SENP2: variants seen among roughly 807,000 people sequenced by gnomAD.
SENP2 encodes SUMO specific peptidase 2.
In SENP2, 16 loss-of-function variants were observed where a neutral mutation model predicts 86.3. That is an observed-to-expected ratio of 0.19 (90% CI 0.13 to 0.28). The LOEUF is 0.28. Ranked by LOEUF, SENP2 falls within the 10% of genes least tolerant of loss-of-function variation. The probability of loss-of-function intolerance (pLI) is 1.00; values close to 1 mark genes in which losing one functional copy is unlikely to be tolerated. For synonymous variants in SENP2, 222 were observed against 238.7 expected, an observed-to-expected ratio of 0.93 and a Z score of 0.64; for missense variants, 552 against 703.0, an observed-to-expected ratio of 0.79 and a Z score of 2.43.
At chr3:185,607,855 A>C (rs918246603) in intron 6 of SENP2, among the ~76,000 whole-genome samples, 2 of 152,232 alleles carry the variant, frequency 1.3e-5, no homozygotes, top group Non-Finnish European at 2.9e-5. Context: ...AAACTTTAGT[A>C]ACTGTGACTA....
intron 13 of SENP2, among the ~76,000 whole-genome samples, chr3:185,620,505 C>T (rs1220036330): frequency 3.9e-5 from 6 of 152,204 alleles, no homozygotes; most frequent in East Asian, 1.9e-4. Context: ...TGCAATGGCA[C>T]GATCTCGGCT....
intron 11 of SENP2, among the ~76,000 whole-genome samples, chr3:185,615,593 C>T (rs1260142259): frequency 2.6e-5 from 4 of 152,126 alleles, no homozygotes; most frequent in African/African-American, 9.7e-5. Context: ...ATCTACCCAC[C>T]TCGGCCTCCC....
chr3:185,612,789 G>A, intron 9 of SENP2, 131 bp downstream of exon 9: 1 of 610,262 alleles, frequency 1.6e-6, no homozygotes, highest in Non-Finnish European at 2.9e-6. Flanking sequence ...CAGCATATAG[G>A]GTAGATAGGT....
chr3:185,597,474 T>C (rs1722211608), intron 2 of SENP2, among the ~76,000 whole-genome samples: 1 of 151,926 alleles, frequency 6.6e-6, no homozygotes, highest in Non-Finnish European at 1.5e-5. Context: ...TGCATCAGCC[T>C]CCTGAGTAGC....
chr3:185,623,287 T>G (rs1711977504), intron 14 of SENP2, among the ~76,000 whole-genome samples: 1 of 151,996 alleles, frequency 6.6e-6, no homozygotes, highest in Non-Finnish European at 1.5e-5. Flanking sequence ...ATTAAAGGCT[T>G]GTGCCACCAC....
chr3:185,596,521 T>C (rs1722178337), intron 2 of SENP2, among the ~76,000 whole-genome samples: 1 of 151,492 alleles, frequency 6.6e-6, no homozygotes, highest in Admixed American at 6.6e-5. Context: ...CTCAGGAGAC[T>C]GAGGTAGGAG....
chr3:185,620,063 TTTA>T (rs1711787594), intron 13 of SENP2, among the ~76,000 whole-genome samples: 2 of 151,336 alleles, frequency 1.3e-5, no homozygotes, highest in Admixed American at 6.6e-5. Flanking sequence ...CTTTTTTTTT[TTTA>T]AATTTTTATT....
At chr3:185,604,905 A>G (rs1312730555) in intron 5 of SENP2, among the ~76,000 whole-genome samples, 1 of 151,024 alleles carries the variant, frequency 6.6e-6, no homozygotes, top group Non-Finnish European at 1.5e-5. Context: ...ACAGGCATGC[A>G]CCACCACGCC....
At chr3:185,609,199 A>C in intron 6 of SENP2, 48 bp from the exon 7 acceptor site, 1 of 1,339,482 alleles carries the variant, frequency 7.5e-7, no homozygotes, top group Non-Finnish European at 1.1e-6. Flanking sequence ...CCTTTTAATT[A>C]TAAATTTAAT....
chr3:185,606,950 A>G, intron 6 of SENP2: 3 of 314,692 alleles, frequency 9.5e-6, no homozygotes, highest in East Asian at 1.5e-4. Flanking sequence ...TTTGGGAGCA[A>G]ATAATATATC....
rs769310131 is a variant in SENP2 at position 185,614,582 on chromosome 3, G to C, written c.952G>C (p.Glu318Gln). The C allele has an allele frequency of 4.3e-6, 7 of 1,613,504 alleles. No individual in the cohort carries two copies. The Admixed American group carries it at 1.0e-4, about 23-fold the overall frequency. Residue 318 changes from glutamate to glutamine, a missense_variant, in exon 11 of 17, where the codon GAG becomes CAG. Glu to Gln is a conservative substitution (Grantham distance 29). Around this residue, in one of 2 missense-constraint regions of SENP2, gnomAD observed 383 missense variants for 427.3 expected, o/e 0.90. Transcript: ENST00000296257. ...ENESRRGYQL[E>Q]PDLSEEVSAR... ...TGATCAGAGGAGGGGATACCAACTG[G>C]AGCCTGACCTATCAGAAGAAGTGTC...
intron 11 of SENP2, among the ~76,000 whole-genome samples, chr3:185,616,655 A>C (rs1046992456): frequency 6.6e-6 from 1 of 151,758 alleles, no homozygotes; most frequent in Non-Finnish European, 1.5e-5. Context: ...GGCGCCTGTC[A>C]TCCCAGCTAC....
At chr3:185,590,886 A>G (rs1310208681) in intron 2 of SENP2, among the ~76,000 whole-genome samples, 1 of 145,690 alleles carries the variant, frequency 6.9e-6, no homozygotes, top group Non-Finnish European at 1.5e-5. Flanking sequence ...AAAAAAAAAA[A>G]AAAAAGAAAG....
chr3:185,613,554 G>A, intron 10 of SENP2, 146 bp downstream of exon 10: 1 of 502,168 alleles, frequency 2.0e-6, no homozygotes, highest in Non-Finnish European at 3.5e-6. Flanking sequence ...AAGCCAGCCA[G>A]TCACAGTGGC....
At position 185,629,856 on chromosome 3, in the gene SENP2, C is replaced by G; in HGVS notation, c.*12C>G. On this transcript the variant is annotated 3_prime_UTR_variant, in exon 17 of 17. Transcript: ENST00000296257. The stretch of plus-strand genomic sequence containing the variant: ...AGCAGTTGCTGTGAGAAAACTTTGC[C>G]TGGTCCCTCTAGCTGCTGGTGGTTC... 3.1e-6 allele frequency: 5 copies of G among 1,613,700 alleles called. No individual in the cohort carries two copies. The highest frequency in any genetic ancestry group is 4.2e-6 in the Non-Finnish European group (5 of 1,179,666).
chr3:185,625,166 C>T (rs1489503178), intron 15 of SENP2, among the ~76,000 whole-genome samples: 1 of 150,930 alleles, frequency 6.6e-6, no homozygotes, highest in African/African-American at 2.4e-5. Flanking sequence ...GGCTGGAGTG[C>T]AGTGGCGCAA....
intron 13 of SENP2, among the ~76,000 whole-genome samples, chr3:185,620,450 T>C (rs1356108340): frequency 6.6e-6 from 1 of 151,780 alleles, no homozygotes; most frequent in African/African-American, 2.4e-5. Flanking sequence ...TTTGTTTGTT[T>C]GTATGTTTTT....
chr3:185,593,728 C>CT lies in SENP2; in HGVS notation c.157+3576dup, dbSNP rs76181270. On this transcript the variant is annotated intron_variant, in intron 2 of 16. Coordinates refer to ENST00000296257, the MANE Select transcript of SENP2 (RefSeq NM_021627.3). ...ACTTAGTATTATTGTGTTTTCATTT[C>CT]TTTTTTTTTTTTTTTTTGAGACGGA... Among the ~76,000 whole-genome samples the CT allele has an allele frequency of 7.1e-3, 985 of 138,080 alleles. 11 individuals carry two copies. Among genetic ancestry groups the CT allele is most frequent in the African/African-American group, 0.022 (827 of 37,256 alleles). The allele number at this position is 138,080 out of a possible 152,430, so 90.6% of individuals were successfully genotyped here.
chr3:185,619,358 A>C lies in SENP2; in HGVS notation c.1302A>C (p.Ala434=). Residue 434 remains alanine, a synonymous_variant, in exon 13 of 17, where the codon GCA becomes GCC. Transcript: ENST00000296257. ...GAAATAAAAAGCAAGGCTATCCAGC[A>C]CTTCATGTATTCAGTACTTTCTTCT... The part of the protein sequence containing the change: ...VERNKKQGYP[A]LHVFSTFFYP... The C allele has an allele frequency of 6.2e-7, 1 of 1,614,056 alleles. No individual in the cohort carries two copies. The highest frequency in any genetic ancestry group is 8.5e-7 in the Non-Finnish European group (1 of 1,179,904).
Sources: allele counts gnomAD v4.1 joint callset (sites outside exome capture counted in the v4.1 genomes callset), GRCh38; gene constraint gnomAD v4.1.1; regional missense constraint gnomAD v4.1.1; transcripts MANE v1.5; gene names NCBI Gene and HGNC (gene_info 2026-07-23, HGNC 2026-07-21).